The following SMARCA2 variants were observed in gnomAD, a reference collection of about 807,000 sequenced individuals.
SMARCA2 encodes the protein SWI/SNF related BAF chromatin remodeling complex subunit ATPase 2, also known as SWI/SNF-related matrix-associated actin-dependent regulator of chromatin subfamily A member 2.
A neutral mutation model predicts 199.8 loss-of-function variants in SMARCA2; 61 were observed. The ratio of observed to expected loss-of-function variants is 0.31; its 90% CI spans 0.25 to 0.38. The LOEUF (loss-of-function observed/expected upper bound fraction) is 0.38. Ranked by LOEUF, SMARCA2 falls within the 10% of genes least tolerant of loss-of-function variation. The probability of loss-of-function intolerance (pLI) is 1.00; values close to 1 mark genes in which losing one functional copy is unlikely to be tolerated. For missense variants in SMARCA2, 1,344 were observed against 2,012.2 expected (o/e 0.67, Z 6.35); for synonymous variants, 935 against 732.0 (o/e 1.28, Z -4.48).
chr9:2,061,855 C>G (rs1165208748), intron 9 of SMARCA2, among the ~76,000 whole-genome samples: 1 of 152,174 alleles, frequency 6.6e-6, no homozygotes, highest in Non-Finnish European at 1.5e-5. Flanking sequence ...TCATACCTGT[C>G]TCATAATTAA....
chr9:2,136,990 C>G (rs115482890), intron 27 of SMARCA2, among the ~76,000 whole-genome samples: 358 of 152,298 alleles, frequency 2.4e-3, no homozygotes, highest in African/African-American at 8.4e-3. Flanking sequence ...AGTCTGGCCT[C>G]CAGACACAGC....
intron 20 of SMARCA2, 154 bp from the exon 21 acceptor site, chr9:2,097,231 T>C (rs1159355056): frequency 5.4e-6 from 3 of 560,452 alleles, no homozygotes; most frequent in Non-Finnish European, 9.5e-6. Flanking sequence ...CAGGAACTGC[T>C]ATATAATTAA....
chr9:2,126,684 T>C (rs938354118), intron 27 of SMARCA2, among the ~76,000 whole-genome samples: 1 of 152,222 alleles, frequency 6.6e-6, no homozygotes, highest in Non-Finnish European at 1.5e-5. Context: ...GGCAATGTTG[T>C]ACAAAGCCTG....
intron 27 of SMARCA2, among the ~76,000 whole-genome samples, chr9:2,156,414 CTTTTTTTTTTTTTTTTTT>C (rs57161267): frequency 1.9e-4 from 13 of 69,166 alleles, no homozygotes; most frequent in African/African-American, 7.7e-4. Context: ...CCATTTTAGA[CTTTTTTTTTTTTTTTTTT>C]TTTTTTTTTT....
At chr9:2,159,890 G>A (rs376950937) in intron 27 of SMARCA2, 61 of 1,611,720 alleles carry the variant, frequency 3.8e-5, no homozygotes, top group East Asian at 4.5e-5. Context: ...TCTGATAGCC[G>A]GCCTGCTGAT....
chr9:2,114,803 C>T (rs564743925), intron 24 of SMARCA2, among the ~76,000 whole-genome samples: 1 of 152,170 alleles, frequency 6.6e-6, no homozygotes, highest in Admixed American at 6.5e-5. Flanking sequence ...TGAAATAACA[C>T]CTATAATCTT....
intron 19 of SMARCA2, among the ~76,000 whole-genome samples, chr9:2,092,894 A>G (rs1374858178): frequency 2.0e-5 from 3 of 152,166 alleles, no homozygotes; most frequent in African/African-American, 4.8e-5. Flanking sequence ...ATGCCATCAC[A>G]TTTTTTGGGG....
rs1317139741 is a variant in SMARCA2, at chr9:2,170,105, G to C, written c.4200-314G>C. 6.6e-6 allele frequency among the ~76,000 whole-genome samples: 1 copy of C among 152,192 alleles called. No individual in the cohort carries two copies. Among genetic ancestry groups the C allele is most frequent in the Non-Finnish European group, 1.5e-5 (1 of 68,044 alleles). ...CCAAGATCACACGCACCTCTAGCCA[G>C]TGGCTGCCTGTCTCCCACCTTCTGG... On this transcript the variant is annotated intron_variant, in intron 28 of 33. Transcript: ENST00000349721. This position sits in a 1 kb window ranked among gnomAD's most constrained non-coding sequence, Gnocchi z 4.7.
At position 2,087,078 on chromosome 9, in the gene SMARCA2, G is replaced by A; in HGVS notation, c.2769+7G>A. ...TGCCATGACTGGTGAAAGGGTACTG[G>A]TCTGAGTTCTGTTTTTTCCACTGCA... On this transcript the variant is annotated splice_region_variant and intron_variant, in intron 18 of 33. Coordinates refer to ENST00000349721, the MANE Select transcript of SMARCA2 (RefSeq NM_003070.5). 1 of 1,613,976 alleles carries A rather than the reference G, an allele frequency of 6.2e-7. No individual in the cohort carries two copies. Among genetic ancestry groups the A allele is most frequent in the Non-Finnish European group, 8.5e-7 (1 of 1,179,900 alleles).
rs1157389061 is a variant in SMARCA2 at position 2,086,342 on chromosome 9, A to T, written c.2527-487A>T. Among the ~76,000 whole-genome samples, 1 of 152,240 alleles carries T rather than the reference A, an allele frequency of 6.6e-6. No homozygotes were observed. The highest frequency in any genetic ancestry group is 1.9e-4 in the East Asian group (1 of 5,198). Reference sequence around the variant, plus strand: ...CAGCCAGGCTAATAGAAAAGAAGGCATGGAGCCAAGAATATCTCAGCTGTA... The same window carrying T: ...CAGCCAGGCTAATAGAAAAGAAGGCTTGGAGCCAAGAATATCTCAGCTGTA... On this transcript the variant is annotated intron_variant, in intron 17 of 33. Coordinates refer to ENST00000349721, the MANE Select transcript of SMARCA2 (RefSeq NM_003070.5). The surrounding 1 kb of genome is among the most constrained non-coding windows in gnomAD (Gnocchi z 4.3).
intron 32 of SMARCA2, among the ~76,000 whole-genome samples, chr9:2,188,161 G>C (rs577549184): frequency 1.6e-4 from 24 of 152,156 alleles, no homozygotes; most frequent in Non-Finnish European, 2.9e-4. Context: ...ATGGCAATGA[G>C]GGTTTTTCTA....
At chr9:2,158,033 T>C in intron 27 of SMARCA2, 1 of 393,500 alleles carries the variant, frequency 2.5e-6, no homozygotes, top group Non-Finnish European at 4.5e-6. Flanking sequence ...TGTCAGAACG[T>C]GCACGCCGCT....
chr9:2,105,165 C>T (rs1023080497), intron 23 of SMARCA2, among the ~76,000 whole-genome samples: 1 of 152,052 alleles, frequency 6.6e-6, no homozygotes, highest in Admixed American at 6.5e-5. Flanking sequence ...GGTGAATTCT[C>T]TTTATGGTCT....
Position 2,033,073 on chromosome 9 carries a change from A to G in SMARCA2, c.347A>G (p.His116Arg). The G allele has an allele frequency of 6.2e-7, 1 of 1,614,096 alleles. No individual in the cohort carries two copies. The highest frequency in any genetic ancestry group is 8.5e-7 in the Non-Finnish European group (1 of 1,179,966). The change falls in exon 3 of 34, where the codon CAC becomes CGC. Residue 116 changes from histidine to arginine, a missense_variant. His to Arg is a conservative substitution (Grantham distance 29). Coordinates refer to ENST00000349721, the MANE Select transcript of SMARCA2 (RefSeq NM_003070.5). ...MGPPQSPMDQ[H>R]SQGYMSPHPS... ...CCTCCCCAGAGTCCAATGGATCAAC[A>G]CAGCCAAGGTTTGTGTCCGCTGCAC... is the stretch of plus-strand genomic sequence containing the variant.
intron 27 of SMARCA2, among the ~76,000 whole-genome samples, chr9:2,152,265 A>G (rs1221439026): frequency 1.3e-5 from 2 of 152,344 alleles, no homozygotes; most frequent in African/African-American, 2.4e-5. Flanking sequence ...ACTTAAGTGA[A>G]GAAAGGCTGG....
rs578073188 is a variant in SMARCA2 at position 2,080,250 on chromosome 9, A to G, written c.2185-1582A>G. 2.6e-5 allele frequency: 4 copies of G among 152,232 alleles called. No homozygotes were observed. In the South Asian group the frequency reaches 8.3e-4, roughly 32 times the overall value. 9.4% of individuals were successfully genotyped at this position (152,232 alleles called of 1,614,324 possible). A position where few individuals can be genotyped will look rare whatever the true frequency, so the allele number is the denominator to read the frequency against. On this transcript the variant is annotated intron_variant, in intron 14 of 33. Transcript: ENST00000349721. ...CGGCTGAGGTCTTCCTGCTACTCCT[A>G]GAGAGCCACATAAGCTTGGTTCAAT...
chr9:2,045,188 G>A (rs1819784800), intron 4 of SMARCA2: 1 of 152,170 alleles, frequency 6.6e-6, no homozygotes, highest in Non-Finnish European at 1.5e-5. Context: ...TAAATTTAAA[G>A]TAATTCTTCC....
intron 27 of SMARCA2, among the ~76,000 whole-genome samples, chr9:2,126,627 C>T (rs973890323): frequency 1.3e-5 from 2 of 152,206 alleles, no homozygotes; most frequent in Non-Finnish European, 2.9e-5. Flanking sequence ...CAAGGACCGT[C>T]GTGTAAGAAA....
chr9:2,113,892 C>G (rs1442207546), intron 24 of SMARCA2, among the ~76,000 whole-genome samples: 2 of 152,142 alleles, frequency 1.3e-5, no homozygotes, highest in African/African-American at 4.8e-5. Flanking sequence ...TTTGCACCCC[C>G]ACAGGTGAAG....
Sources: gnomAD v4.1 joint callset for allele counts (sites outside exome capture counted in the v4.1 genomes callset) on GRCh38, gnomAD v4.1.1 for gene constraint, Gnocchi (gnomAD v3.1) non-coding constraint, MANE v1.5 for transcripts, NCBI Gene and HGNC (gene_info 2026-07-23, HGNC 2026-07-21) for gene names.